CIZ1: variants seen among roughly 807,000 people sequenced by gnomAD.
CIZ1 encodes CDKN1A interacting zinc finger protein 1.
A neutral mutation model predicts 118.6 loss-of-function variants in CIZ1; 58 were observed. That is an observed-to-expected ratio of 0.49 (90% CI 0.40 to 0.61). The LOEUF (loss-of-function observed/expected upper bound fraction) is 0.61, where lower values mean the gene tolerates loss of function less well. Among genes scored for constraint, CIZ1 ranks in the 20% least tolerant of loss-of-function variants. The pLI, the probability that CIZ1 is intolerant of heterozygous loss-of-function variation, is 0.00. For synonymous variants in CIZ1, 448 were observed against 443.4 expected, an observed-to-expected ratio of 1.01 and a Z score of -0.13; for missense variants, 921 against 1,115.9, an observed-to-expected ratio of 0.83 and a Z score of 2.49.
chr9:128,191,760 A>AG, upstream of CIZ1: 1 of 1,401,552 alleles, frequency 7.1e-7, no homozygotes, highest in Non-Finnish European at 9.3e-7. The surrounding 1 kb of genome is among the most constrained non-coding windows in gnomAD (Gnocchi z 5.5). Context: ...CGCATCGCGA[A>AG]GGGGAGGCTC....
intron 11 of CIZ1, among the ~76,000 whole-genome samples, chr9:128,174,786 G>C (rs185551065): frequency 6.6e-6 from 1 of 152,140 alleles, no homozygotes; most frequent in Non-Finnish European, 1.5e-5. Flanking sequence ...AGCCTCCCGA[G>C]TAGCTGGGAT....
At chr9:128,194,503 A>T (rs1009269042), upstream of CIZ1, among the ~76,000 whole-genome samples, 1 of 151,660 alleles carries the variant, frequency 6.6e-6, no homozygotes, top group African/African-American at 2.4e-5. Flanking sequence ...ATATTTATAT[A>T]TTTTTTCTTT....
Position 128,185,772 on chromosome 9 carries a change from G to A in CIZ1, c.363C>T (p.Asn121=), listed in dbSNP as rs770059731. The A allele has an allele frequency of 1.1e-5, 17 of 1,612,116 alleles. No homozygotes were observed. The South Asian group carries it at 1.8e-4, about 17-fold the overall frequency. Residue 121 remains asparagine, a synonymous_variant, in exon 5 of 17, where the codon AAC becomes AAT. Transcript: ENST00000372938. The part of the protein sequence containing the change: ...GLTMPTATLG[N]LRGYGMASPG... Reference sequence around the variant, plus strand: ...GGGATGCCATGCCATAGCCTCGGAGGTTACCTGCAGGCAAGAAGACAGGAG... The same window carrying A: ...GGGATGCCATGCCATAGCCTCGGAGATTACCTGCAGGCAAGAAGACAGGAG...
At chr9:128,177,479 A>T (rs1831005396) in intron 10 of CIZ1, 87 bp downstream of exon 10, 16 of 952,940 alleles carry the variant, frequency 1.7e-5, no homozygotes, top group Admixed American at 3.1e-5. Flanking sequence ...GGCAGGGCCC[A>T]TTGCAGCCTG....
intron 11 of CIZ1, 115 bp from the exon 12 acceptor site, chr9:128,170,222 G>C (rs1829968047): frequency 9.1e-6 from 8 of 880,602 alleles, no homozygotes; most frequent in Admixed American, 2.4e-5. Context: ...ATCTCTTAGG[G>C]AAGCTTAACA....
intron 14 of CIZ1, 25 bp from the exon 15 acceptor site, chr9:128,167,189 C>A: frequency 1.3e-6 from 2 of 1,539,216 alleles, no homozygotes; most frequent in East Asian, 2.3e-5. Context: ...GTGTGGGCCT[C>A]GGATCTGGCT....
intron 11 of CIZ1, among the ~76,000 whole-genome samples, chr9:128,173,808 C>T (rs988319954): frequency 6.6e-6 from 1 of 151,922 alleles, no homozygotes; most frequent in Non-Finnish European, 1.5e-5. Flanking sequence ...AGATCAAGAC[C>T]ATCCTGGCTA....
chr9:128,201,058 G>A (rs564115101), intron 1 of CIZ1, among the ~76,000 whole-genome samples: 2 of 151,736 alleles, frequency 1.3e-5, no homozygotes, highest in African/African-American at 2.4e-5. Context: ...CACAAGGTCA[G>A]GAGATGGAAA....
chr9:128,194,949 C>A (rs1262359655), upstream of CIZ1, among the ~76,000 whole-genome samples: 3 of 152,186 alleles, frequency 2.0e-5, no homozygotes, highest in Non-Finnish European at 2.9e-5. Context: ...TCCTGAGCAG[C>A]TAGGACTACA....
chr9:128,180,892 C>G (rs1203019979), intron 5 of CIZ1, 78 bp from the exon 6 acceptor site: 1 of 1,074,430 alleles, frequency 9.3e-7, no homozygotes. Context: ...CAGCTGCCCC[C>G]CATCCTCCAG....
intron 3 of CIZ1, among the ~76,000 whole-genome samples, chr9:128,188,857 GGCGCGATCTCA>G (rs1332709302): frequency 6.6e-6 from 1 of 151,312 alleles, no homozygotes; most frequent in Non-Finnish European, 1.5e-5. Context: ...GGAGTACGGT[GGCGCGATCTCA>G]GCTCACTGCG....
In CIZ1 at chr9:128,191,192, C is replaced by G; in HGVS notation, c.-6+240G>C. 2 of 412,854 alleles carry G rather than the reference C, an allele frequency of 4.8e-6. No individual in the cohort carries two copies. The highest frequency in any genetic ancestry group is 4.1e-5 in the Admixed American group (1 of 24,514). The allele number at this position is 412,854 out of a possible 1,614,324, so 25.6% of individuals were successfully genotyped here. On this transcript the variant is annotated intron_variant, in intron 1 of 16. Coordinates refer to ENST00000372938, the MANE Select transcript of CIZ1 (RefSeq NM_001131016.2). This position sits in a 1 kb window ranked among gnomAD's most constrained non-coding sequence, Gnocchi z 5.5. ...CCTCAGCCTCTCTCTGCGCCCATCA[C>G]TTCCTCACTCACAGCCCCTTTTCAA...
At chr9:128,174,276 G>C (rs1177683176) in intron 11 of CIZ1, among the ~76,000 whole-genome samples, 1 of 152,222 alleles carries the variant, frequency 6.6e-6, no homozygotes, top group African/African-American at 2.4e-5. Context: ...GATTGCTTCA[G>C]AAACGTGCAC....
Position 128,180,495 on chromosome 9 carries a change from G to A in CIZ1, c.711C>T (p.Asp237=). The A allele has an allele frequency of 6.2e-7, 1 of 1,614,128 alleles. No homozygotes were observed. The highest frequency in any genetic ancestry group is 8.5e-7 in the Non-Finnish European group (1 of 1,180,006). ...CTGGAGTGCGTTTTTCCTTGGCGATGTCCTCTGGGCAGGGCGGTAAATCTT... is the reference window on the plus strand; with the variant it reads ...CTGGAGTGCGTTTTTCCTTGGCGATATCCTCTGGGCAGGGCGGTAAATCTT... The part of the protein sequence containing the change: ...EDQDLPPCPE[D]IAKEKRTPAP... The change falls in exon 7 of 17, where the codon GAC becomes GAT. Residue 237 remains aspartate, a synonymous_variant. Coordinates refer to ENST00000372938, the MANE Select transcript of CIZ1 (RefSeq NM_001131016.2).
intron 11 of CIZ1, 70 bp from the exon 12 acceptor site, chr9:128,170,177 T>G: frequency 2.3e-6 from 3 of 1,332,474 alleles, no homozygotes; most frequent in Non-Finnish European, 3.2e-6. Context: ...GAGCGCTCCA[T>G]AAGTGTAATC....
chr9:128,181,130 T>A (rs570211974), intron 5 of CIZ1, among the ~76,000 whole-genome samples: 1 of 152,168 alleles, frequency 6.6e-6, no homozygotes, highest in Non-Finnish European at 1.5e-5. Context: ...CCTTTTTTTT[T>A]TTGAGACAGA....
At position 128,185,910 on chromosome 9, in the gene CIZ1, C is replaced by A. The variant is rs1832305560; in HGVS notation, c.359-134G>T. 8 of 701,466 alleles carry A rather than the reference C, an allele frequency of 1.1e-5. No homozygotes were observed. In the Admixed American group the frequency reaches 1.7e-4, roughly 15 times the overall value. 43.5% of individuals were successfully genotyped at this position (701,466 alleles called of 1,614,324 possible). On this transcript the variant is annotated intron_variant, in intron 4 of 16. Coordinates refer to ENST00000372938, the MANE Select transcript of CIZ1 (RefSeq NM_001131016.2). ...AAGGGACCTTCCCACCCAAGGGCAG[C>A]CAAAGGGAAGAGATGAGAGCTGAGG...
chr9:128,172,577 T>C (rs1315584850), intron 11 of CIZ1, among the ~76,000 whole-genome samples: 1 of 152,212 alleles, frequency 6.6e-6, no homozygotes, highest in Non-Finnish European at 1.5e-5. Context: ...TCATAAATTT[T>C]AGGGGACACA....
chr9:128,171,813 A>G (rs1419019757), intron 11 of CIZ1, among the ~76,000 whole-genome samples: 1 of 152,038 alleles, frequency 6.6e-6, no homozygotes, highest in Non-Finnish European at 1.5e-5. Context: ...TGGGTTGGGA[A>G]AGATCATTGC....
Sources: allele counts gnomAD v4.1 joint callset (sites outside exome capture counted in the v4.1 genomes callset), GRCh38; gene constraint gnomAD v4.1.1; non-coding constraint Gnocchi (gnomAD v3.1); transcripts MANE v1.5; gene names NCBI Gene and HGNC (gene_info 2026-07-23, HGNC 2026-07-21).